The following TMEM131 variants were observed in gnomAD, a reference collection of about 807,000 sequenced individuals.
TMEM131 encodes 2610524E03Rik.
A neutral mutation model predicts 211.6 loss-of-function variants in TMEM131; 66 were observed. The observed-to-expected ratio is 0.31, with a 90% CI of 0.26 to 0.38. The LOEUF (loss-of-function observed/expected upper bound fraction) is 0.38. Among genes scored for constraint, TMEM131 ranks in the 10% least tolerant of loss-of-function variants. The probability of loss-of-function intolerance (pLI) is 1.00; values close to 1 mark genes in which losing one functional copy is unlikely to be tolerated. For synonymous variants in TMEM131, 844 were observed against 841.3 expected (o/e 1.00, Z -0.06); for missense variants, 2,036 against 2,299.3 (o/e 0.89, Z 2.34).
At chr2:97,822,482 T>G (rs1440304787) in intron 11 of TMEM131, among the ~76,000 whole-genome samples, 1 of 152,190 alleles carries the variant, frequency 6.6e-6, no homozygotes, top group East Asian at 1.9e-4. Context: ...AACATCTTTA[T>G]AGGATGGGGT....
intron 24 of TMEM131, 70 bp downstream of exon 24, chr2:97,802,358 C>G: frequency 8.5e-7 from 1 of 1,183,284 alleles, no homozygotes; most frequent in Non-Finnish European, 1.2e-6. Flanking sequence ...GCAAATAAGG[C>G]TTTTTAAGTG....
At chr2:97,972,389 C>T (rs1679336387) in intron 1 of TMEM131, among the ~76,000 whole-genome samples, 2 of 149,204 alleles carry the variant, frequency 1.3e-5, no homozygotes, top group African/African-American at 4.9e-5. Context: ...AGAATGAGAT[C>T]CCCTGTTAAA....
At chr2:97,926,350 T>C (rs1311967499) in intron 2 of TMEM131, among the ~76,000 whole-genome samples, 1 of 152,190 alleles carries the variant, frequency 6.6e-6, no homozygotes, top group Non-Finnish European at 1.5e-5. Flanking sequence ...CCAGGAGTTA[T>C]TTAAAATCGT....
intron 31 of TMEM131, among the ~76,000 whole-genome samples, chr2:97,780,389 C>G (rs1359705099): frequency 6.6e-6 from 1 of 152,194 alleles, no homozygotes; most frequent in Non-Finnish European, 1.5e-5. Flanking sequence ...CAAGTGTTGC[C>G]TGGCCACCCG....
intron 2 of TMEM131, among the ~76,000 whole-genome samples, chr2:97,910,662 C>T (rs540268097): frequency 6.6e-6 from 1 of 152,132 alleles, no homozygotes; most frequent in Non-Finnish European, 1.5e-5. Context: ...GCCATTCTAA[C>T]CGGTGTGAGA....
chr2:97,871,999 G>A (rs749280739), intron 4 of TMEM131, among the ~76,000 whole-genome samples: 16 of 150,922 alleles, frequency 1.1e-4, no homozygotes, highest in South Asian at 4.2e-4. Context: ...CCATGGGATT[G>A]TTACAAGGAG....
chr2:97,869,583 C>T (rs1314720357), intron 4 of TMEM131, among the ~76,000 whole-genome samples: 1 of 152,198 alleles, frequency 6.6e-6, no homozygotes, highest in East Asian at 1.9e-4. Context: ...TTAGTCGTTG[C>T]GTGCTCAAAC....
At chr2:97,940,165 C>A (rs575731465) in intron 1 of TMEM131, among the ~76,000 whole-genome samples, 1 of 152,288 alleles carries the variant, frequency 6.6e-6, no homozygotes, top group South Asian at 2.1e-4. Flanking sequence ...GTTGGAAGTT[C>A]TGGCCAAGCA....
intron 1 of TMEM131, among the ~76,000 whole-genome samples, chr2:97,945,549 T>G (rs1677993257): frequency 6.6e-6 from 1 of 152,176 alleles, no homozygotes; most frequent in Non-Finnish European, 1.5e-5. Flanking sequence ...ATCTAAATGG[T>G]ATTTTAAATA....
chr2:97,771,238 A>G (rs1679449650), intron 33 of TMEM131, among the ~76,000 whole-genome samples: 1 of 152,216 alleles, frequency 6.6e-6, no homozygotes, highest in South Asian at 2.1e-4. Context: ...ATACTTCATT[A>G]CTAAGCACCA....
At chr2:97,961,218 C>T (rs1429780176) in intron 1 of TMEM131, among the ~76,000 whole-genome samples, 2 of 150,792 alleles carry the variant, frequency 1.3e-5, no homozygotes, top group East Asian at 3.9e-4. Flanking sequence ...TTTCTATATA[C>T]AAGCACTGAA....
intron 1 of TMEM131, among the ~76,000 whole-genome samples, chr2:97,985,180 T>G (rs1330676581): frequency 2.6e-5 from 4 of 152,062 alleles, no homozygotes; most frequent in Non-Finnish European, 5.9e-5. Context: ...ATTTTTCTCT[T>G]AAAAAAACAG....
At chr2:97,983,852 C>A (rs2104653121) in intron 1 of TMEM131, among the ~76,000 whole-genome samples, 1 of 152,324 alleles carries the variant, frequency 6.6e-6, no homozygotes, top group South Asian at 2.1e-4. Flanking sequence ...CAGGAGTTAA[C>A]TGCTGTAATG....
intron 1 of TMEM131, among the ~76,000 whole-genome samples, chr2:97,986,534 T>C (rs1680035594): frequency 6.6e-6 from 1 of 152,208 alleles, no homozygotes; most frequent in South Asian, 2.1e-4. Flanking sequence ...CTTGCCTGTT[T>C]TTTCCTTCCT....
At chr2:97,789,425 T>C (rs113612488) in intron 31 of TMEM131, among the ~76,000 whole-genome samples, 4,460 of 152,306 alleles carry the variant, frequency 0.029, 81 homozygotes, top group Middle Eastern at 0.065. Flanking sequence ...CCTGCCCCAA[T>C]AATAACCATG....
chr2:97,817,238 C>T (rs1681871991), intron 12 of TMEM131, among the ~76,000 whole-genome samples: 1 of 150,124 alleles, frequency 6.7e-6, no homozygotes, highest in South Asian at 2.1e-4. Context: ...CAGCTCTTCA[C>T]CCTTGCAGAC....
At chr2:97,839,240 T>C (rs1006157457) in intron 7 of TMEM131, among the ~76,000 whole-genome samples, 54 of 152,110 alleles carry the variant, frequency 3.6e-4, no homozygotes, top group African/African-American at 1.2e-3. Context: ...GGTAAAAGGA[T>C]TGGTTGAGCC....
intron 1 of TMEM131, among the ~76,000 whole-genome samples, chr2:97,976,846 C>T (rs912210825): frequency 3.3e-5 from 5 of 151,454 alleles, no homozygotes; most frequent in African/African-American, 7.3e-5. Context: ...AATAAACTCA[C>T]ACATGTACAT....
intron 1 of TMEM131, among the ~76,000 whole-genome samples, chr2:97,986,206 G>A (rs545568117): frequency 7.4e-4 from 113 of 152,318 alleles, no homozygotes; most frequent in African/African-American, 2.2e-3. Context: ...TTTATTGGTA[G>A]ACTGGTAAGA....
Sources: allele counts gnomAD v4.1 joint callset (sites outside exome capture counted in the v4.1 genomes callset), GRCh38; gene constraint gnomAD v4.1.1; transcripts MANE v1.5; gene names NCBI Gene and HGNC (gene_info 2026-07-23, HGNC 2026-07-21).